Variants in RIN3 observed in about 807,000 individuals in gnomAD.
RIN3 encodes Ras and Rab interactor 3, also known as RAB5 interacting protein 3.
In RIN3, 54 loss-of-function variants were observed where a neutral mutation model predicts 76.3. The ratio of observed to expected loss-of-function variants is 0.71; its 90% confidence interval spans 0.57 to 0.89. The LOEUF is 0.89. RIN3 is among the 40% of genes least tolerant of loss of function. The pLI is 0.00. For synonymous variants in RIN3, 576 were observed against 564.0 expected (o/e 1.02, Z -0.30); for missense variants, 1,256 against 1,322.1 (o/e 0.95, Z 0.78).
intron 4 of RIN3, among the ~76,000 whole-genome samples, chr14:92,637,255 G>T (rs1886810068): frequency 6.6e-6 from 1 of 151,666 alleles, no homozygotes; most frequent in African/African-American, 2.4e-5. Context: ...GGTGATGGGA[G>T]ACAGTGACAG....
chr14:92,641,356 A>T (rs1353121970), intron 5 of RIN3, 27 bp downstream of exon 5: 1 of 1,569,764 alleles, frequency 6.4e-7, no homozygotes, highest in South Asian at 1.1e-5. Context: ...GGGTTAGGGG[A>T]GCTGGTGGGG....
At chr14:92,600,397 G>C (rs952710576) in intron 3 of RIN3, among the ~76,000 whole-genome samples, 1 of 152,056 alleles carries the variant, frequency 6.6e-6, no homozygotes, top group Non-Finnish European at 1.5e-5. Context: ...ATGCCTAAGG[G>C]GGGTGGGAAG....
At chr14:92,678,494 C>A (rs1435128965) in intron 8 of RIN3, among the ~76,000 whole-genome samples, 2 of 96,194 alleles carry the variant, frequency 2.1e-5, no homozygotes, top group East Asian at 4.0e-4. Flanking sequence ...CCCACATATT[C>A]ACCACCCACC....
intron 1 of RIN3, among the ~76,000 whole-genome samples, chr14:92,531,591 A>G (rs748828900): frequency 1.3e-5 from 2 of 152,218 alleles, no homozygotes; most frequent in African/African-American, 4.8e-5. Context: ...TGGGGTGGGC[A>G]CATGATACGC....
chr14:92,576,232 G>A, intron 2 of RIN3: 1 of 1,279,740 alleles, frequency 7.8e-7, no homozygotes, highest in Admixed American at 2.3e-5. Flanking sequence ...AGACTCAAAG[G>A]ACATTTTAAA....
chr14:92,579,225 G>A (rs898571470), intron 3 of RIN3, among the ~76,000 whole-genome samples: 3 of 152,198 alleles, frequency 2.0e-5, no homozygotes, highest in Non-Finnish European at 4.4e-5. Context: ...ACCGTGCCCG[G>A]CCCTGAGCCA....
At chr14:92,561,234 G>C (rs1897770121) in intron 2 of RIN3, among the ~76,000 whole-genome samples, 1 of 149,060 alleles carries the variant, frequency 6.7e-6, no homozygotes, top group Admixed American at 6.8e-5. Flanking sequence ...GACCACCTGG[G>C]TCTACCCCTG....
chr14:92,522,992 T>C (rs531406536), intron 1 of RIN3, among the ~76,000 whole-genome samples: 2 of 152,238 alleles, frequency 1.3e-5, no homozygotes, highest in African/African-American at 2.4e-5. Flanking sequence ...ATAGAAGCTA[T>C]GCAGGATAGA....
intron 4 of RIN3, among the ~76,000 whole-genome samples, chr14:92,624,238 G>A (rs1886276633): frequency 6.6e-6 from 1 of 152,222 alleles, no homozygotes; most frequent in Admixed American, 6.5e-5. Flanking sequence ...CAATGGTCTG[G>A]TTAGCAGGTG....
chr14:92,684,385 C>CAAA (rs35113092), intron 8 of RIN3, among the ~76,000 whole-genome samples: 18,529 of 115,630 alleles, frequency 0.16, 1,847 homozygotes, highest in East Asian at 0.28. Context: ...CAGACTTAGA[C>CAAA]AAAAAAAAAA....
Position 92,544,252 on chromosome 14 carries a change from G to A in RIN3, c.45-11499G>A, listed in dbSNP as rs1480816164. ...CACCACACTATGGAATGAGGAGTGGGGAGTTCTCCCAGCCCCAAATGCCTG... is the reference window on the plus strand; with the variant it reads ...CACCACACTATGGAATGAGGAGTGGAGAGTTCTCCCAGCCCCAAATGCCTG... On this transcript the variant is annotated intron_variant, in intron 1 of 9. Transcript: ENST00000216487. 3.3e-5 allele frequency among the ~76,000 whole-genome samples: 5 copies of A among 152,102 alleles called. No individual in the cohort carries two copies. The South Asian group carries it at 1.0e-3, about 31-fold the overall frequency.
chr14:92,642,111 C>CTT (rs139930534), intron 5 of RIN3, among the ~76,000 whole-genome samples: 2 of 149,232 alleles, frequency 1.3e-5, no homozygotes, highest in South Asian at 2.1e-4. Flanking sequence ...TTCTTTCTTT[C>CTT]TTTTTTTTTT....
chr14:92,688,871 T>A lies in RIN3; in HGVS notation c.*619T>A, dbSNP rs976934762. The A allele has an allele frequency of 6.5e-6, 1 of 153,092 alleles. No homozygotes were observed. 9.5% of individuals were successfully genotyped at this position (153,092 alleles called of 1,614,324 possible). A position where few individuals can be genotyped will look rare whatever the true frequency, so the allele number is the denominator to read the frequency against. ...AAGCACGGCCAGCTCCGCGGACCCA[T>A]GGACAAGCCCAGCCCCGCCTCAGGG... On this transcript the variant is annotated 3_prime_UTR_variant, in exon 10 of 10. Coordinates refer to ENST00000216487, the MANE Select transcript of RIN3 (RefSeq NM_024832.5).
At chr14:92,678,690 T>A (rs1222105824) in intron 8 of RIN3, among the ~76,000 whole-genome samples, 2 of 150,924 alleles carry the variant, frequency 1.3e-5, no homozygotes, top group East Asian at 3.9e-4. Flanking sequence ...ACTCATCCAC[T>A]CGCCCATCTA....
intron 8 of RIN3, among the ~76,000 whole-genome samples, chr14:92,679,307 G>A (rs1447331039): frequency 6.6e-6 from 1 of 152,168 alleles, no homozygotes; most frequent in East Asian, 1.9e-4. Context: ...CCACGGCAGT[G>A]TCACACCTTG....
chr14:92,625,299 T>C (rs144223555), intron 4 of RIN3, among the ~76,000 whole-genome samples: 2 of 152,332 alleles, frequency 1.3e-5, no homozygotes, highest in African/African-American at 4.8e-5. Flanking sequence ...TAAAGTCTGA[T>C]TCATCCTTTC....
In RIN3 at chr14:92,685,070, G is replaced by A. The variant is rs1269641342; in HGVS notation, c.2551G>A (p.Val851Met). 1 of 1,613,988 alleles carries A rather than the reference G, an allele frequency of 6.2e-7. No homozygotes were observed. The highest frequency in any genetic ancestry group is 1.1e-5 in the South Asian group (1 of 91,092). ...DKITVTRQLS[V>M]EVQDSIHRWE... ...GATCACGGTGACCCGGCAGCTGAGTGTGGAGGTGCAGGACTCCATCCACCG... is the reference window on the plus strand; with the variant it reads ...GATCACGGTGACCCGGCAGCTGAGTATGGAGGTGCAGGACTCCATCCACCG... Residue 851 changes from valine to methionine, a missense_variant, in exon 9 of 10, where the codon GTG becomes ATG. By Grantham distance (21) the Val-to-Met change is conservative. Transcript: ENST00000216487. This position sits in a 1 kb window ranked among gnomAD's most constrained non-coding sequence, Gnocchi z 4.7.
chr14:92,653,000 C>T lies in RIN3; in HGVS notation c.1951C>T (p.Leu651Phe). Reference sequence around the variant, plus strand: ...GGAGATTCGCACCATGATGACCCAGCTCAAGAGCTACCTGCTGCAGAGCAC... The same window carrying T: ...GGAGATTCGCACCATGATGACCCAGTTCAAGAGCTACCTGCTGCAGAGCAC... ...LQEIRTMMTQ[L>F]KSYLLQSTEL... The change falls in exon 6 of 10, where the codon CTC (leucine) becomes TTC (phenylalanine). Residue 651 changes from leucine to phenylalanine, a missense_variant. Around this residue, in one of 3 missense-constraint regions of RIN3, gnomAD observed 428 missense variants for 521.2 expected, o/e 0.82. Transcript: ENST00000216487. This position sits in a 1 kb window ranked among gnomAD's most constrained non-coding sequence, Gnocchi z 6.4. 1 of 1,612,918 alleles carries T rather than the reference C, an allele frequency of 6.2e-7. No homozygotes were observed. Among genetic ancestry groups the T allele is most frequent in the Non-Finnish European group, 8.5e-7 (1 of 1,180,030 alleles).
chr14:92,664,770 A>G (rs1468738664), intron 7 of RIN3, among the ~76,000 whole-genome samples: 2 of 152,106 alleles, frequency 1.3e-5, no homozygotes, highest in African/African-American at 4.8e-5. Flanking sequence ...ACGCTTTCCT[A>G]GGTATTTTGT....
Sources: gnomAD v4.1 joint callset for allele counts (sites outside exome capture counted in the v4.1 genomes callset) on GRCh38, gnomAD v4.1.1 for gene constraint, gnomAD v4.1.1 regional missense constraint, Gnocchi (gnomAD v3.1) non-coding constraint, MANE v1.5 for transcripts, NCBI Gene and HGNC (gene_info 2026-07-23, HGNC 2026-07-21) for gene names.